The following TGIF1 variants were observed in gnomAD, a reference collection of about 807,000 sequenced individuals.
TGIF1 encodes the protein TGFB induced factor homeobox 1, also known as homeobox protein TGIF1.
A neutral mutation model predicts 19.3 loss-of-function variants in TGIF1; 4 were observed. The observed-to-expected ratio is 0.21, with a 90% CI of 0.10 to 0.47. The LOEUF is 0.47. Among genes scored for constraint, TGIF1 ranks in the 20% least tolerant of loss-of-function variants. TGIF1 has a pLI of 0.98. For synonymous variants in TGIF1, 122 were observed against 129.3 expected, an observed-to-expected ratio of 0.94 and a Z score of 0.38; for missense variants, 275 against 341.4, an observed-to-expected ratio of 0.81 and a Z score of 1.53.
At chr18:3,437,497 AAAT>A (rs1489569379) in intron 2 of TGIF1, among the ~76,000 whole-genome samples, 1 of 152,204 alleles carries the variant, frequency 6.6e-6, no homozygotes, top group African/African-American at 2.4e-5. Flanking sequence ...ACCATTTGCA[AAAT>A]AATAAGTGAT....
At chr18:3,455,053 A>G (rs983952034) in intron 1 of TGIF1, 1 of 152,196 alleles carries the variant, frequency 6.6e-6, no homozygotes, top group East Asian at 1.9e-4. Flanking sequence ...ATTACATACT[A>G]CAGAGGAAAG....
intron 2 of TGIF1, among the ~76,000 whole-genome samples, chr18:3,428,198 A>C (rs183386884): frequency 6.6e-6 from 1 of 152,296 alleles, no homozygotes; most frequent in Non-Finnish European, 1.5e-5. Flanking sequence ...GTTTTACTTA[A>C]GAATTTCCTT....
At chr18:3,423,544 G>T (rs2082433762) in intron 2 of TGIF1, among the ~76,000 whole-genome samples, 1 of 152,094 alleles carries the variant, frequency 6.6e-6, no homozygotes, top group African/African-American at 2.4e-5. Flanking sequence ...AGCCGGGCTT[G>T]GTGTCGGGCG....
rs2082932085 is a variant in TGIF1 at position 3,451,555 on chromosome 18, C to T, written c.16+1050C>T. On this transcript the variant is annotated intron_variant, in intron 1 of 2. Transcript: ENST00000343820. This position sits in a 1 kb window ranked among gnomAD's most constrained non-coding sequence, Gnocchi z 5.4. ...GAAGCGGACGGGAGGGGCGGCGCTA[C>T]TGCGCATGCCCGGGAGCCGCCTGGA... is the stretch of plus-strand genomic sequence containing the variant. The T allele has an allele frequency of 9.9e-7, 1 of 1,012,496 alleles. No individual in the cohort carries two copies. Among genetic ancestry groups the T allele is most frequent in the South Asian group, 4.6e-5 (1 of 21,738 alleles). 62.7% of individuals were successfully genotyped at this position (1,012,496 alleles called of 1,614,324 possible). A position where few individuals can be genotyped will look rare whatever the true frequency, so the allele number is the denominator to read the frequency against.
At chr18:3,450,148 G>A, upstream of TGIF1, 1 of 1,226,198 alleles carries the variant, frequency 8.2e-7, no homozygotes, top group Non-Finnish European at 1.0e-6. Context: ...AGGACCTCCT[G>A]TACCTTCCCT....
chr18:3,441,701 G>A (rs538309058), intron 2 of TGIF1, among the ~76,000 whole-genome samples: 26 of 152,314 alleles, frequency 1.7e-4, no homozygotes, highest in African/African-American at 5.8e-4. Context: ...TTAAGGGAGT[G>A]AAATGGAGAT....
intron 2 of TGIF1, among the ~76,000 whole-genome samples, chr18:3,444,466 C>T (rs1448300793): frequency 1.3e-5 from 2 of 152,134 alleles, no homozygotes; most frequent in African/African-American, 4.8e-5. Context: ...CCTCCTCACT[C>T]AAGTAAACCC....
intron 2 of TGIF1, among the ~76,000 whole-genome samples, chr18:3,426,319 T>C (rs8087826): frequency 0.22 from 32,929 of 151,522 alleles, 3,791 homozygotes; most frequent in African/African-American, 0.28. Flanking sequence ...CAGATGCACA[T>C]CACCACACCT....
chr18:3,412,427 C>A (rs1423639748), intron 1 of TGIF1, among the ~76,000 whole-genome samples: 1 of 152,160 alleles, frequency 6.6e-6, no homozygotes, highest in Non-Finnish European at 1.5e-5. Context: ...CTGAAACAAG[C>A]CTGTATCAAT....
In TGIF1 at chr18:3,437,874, G is replaced by A. The variant is rs557898987; in HGVS notation, c.-44-18480G>A. On this transcript the variant is annotated intron_variant, in intron 2 of 3. Transcript: ENST00000401449. ...CAAGGCAGGCGGATCACCTGAGGTC[G>A]GGAGTTCGAGACCAGCCTGGCCAAC... Among the ~76,000 whole-genome samples the A allele has an allele frequency of 2.6e-5, 4 of 152,166 alleles. No homozygotes were observed. In the South Asian group the frequency reaches 6.2e-4, roughly 24 times the overall value.
chr18:3,424,235 G>GT (rs1003444096), intron 2 of TGIF1, among the ~76,000 whole-genome samples: 2 of 150,566 alleles, frequency 1.3e-5, no homozygotes, highest in South Asian at 2.1e-4. Context: ...AGCAAAGTAA[G>GT]TTTTTTTTGT....
chr18:3,452,411 C>T (rs1379690910), intron 1 of TGIF1: 1 of 1,613,012 alleles, frequency 6.2e-7, no homozygotes, highest in Non-Finnish European at 8.5e-7. Context: ...AACTTTGCGA[C>T]TGGTTCAGGG....
chr18:3,444,487 T>A (rs1458303926), intron 2 of TGIF1, among the ~76,000 whole-genome samples: 1 of 152,180 alleles, frequency 6.6e-6, no homozygotes, highest in East Asian at 1.9e-4. Flanking sequence ...CAGTGTCTGA[T>A]GTTTCCTTCT....
intron 1 of TGIF1, chr18:3,415,491 G>T (rs1389008970): frequency 2.1e-6 from 1 of 473,408 alleles, no homozygotes. Context: ...CAAGTCATGA[G>T]TTCCTGGGTG....
chr18:3,414,484 C>CT (rs2082306326), intron 1 of TGIF1, among the ~76,000 whole-genome samples: 1 of 152,230 alleles, frequency 6.6e-6, no homozygotes, highest in African/African-American at 2.4e-5. Flanking sequence ...GAGTTCATCT[C>CT]TAAGTCTAGC....
At chr18:3,454,290 G>C (rs1013935269) in intron 1 of TGIF1, among the ~76,000 whole-genome samples, 1 of 152,096 alleles carries the variant, frequency 6.6e-6, no homozygotes, top group Non-Finnish European at 1.5e-5. Flanking sequence ...GCAGCCTTCA[G>C]GGGCTTTTTT....
chr18:3,424,131 A>G (rs933570903), intron 2 of TGIF1, among the ~76,000 whole-genome samples: 8 of 152,186 alleles, frequency 5.3e-5, no homozygotes, highest in South Asian at 2.1e-4. Flanking sequence ...GACCTAATTA[A>G]TGTAGGTTTA....
At chr18:3,442,454 A>G (rs1337673438) in intron 2 of TGIF1, among the ~76,000 whole-genome samples, 4 of 152,156 alleles carry the variant, frequency 2.6e-5, no homozygotes, top group Non-Finnish European at 5.9e-5. Flanking sequence ...TGCATTTATA[A>G]TATTAGTTCA....
intron 2 of TGIF1, among the ~76,000 whole-genome samples, chr18:3,428,367 G>A (rs2082500960): frequency 1.3e-5 from 2 of 152,044 alleles, no homozygotes; most frequent in Non-Finnish European, 2.9e-5. Context: ...AGTTGTTTGA[G>A]TTGCAAGATG....
Sources: gnomAD v4.1 joint callset for allele counts (sites outside exome capture counted in the v4.1 genomes callset) on GRCh38, gnomAD v4.1.1 for gene constraint, Gnocchi (gnomAD v3.1) non-coding constraint, MANE v1.5 for transcripts, NCBI Gene and HGNC (gene_info 2026-07-23, HGNC 2026-07-21) for gene names.